ACSBG1: variants seen among roughly 807,000 people sequenced by gnomAD.
The protein encoded by ACSBG1 is acyl-CoA synthetase bubblegum family member 1.
A neutral mutation model predicts 80.2 loss-of-function variants in ACSBG1; 39 were observed. That is an observed-to-expected ratio of 0.49 (90% CI 0.38 to 0.64). ACSBG1 has a LOEUF of 0.64. Ranked by LOEUF, ACSBG1 falls within the 30% of genes least tolerant of loss-of-function variation. ACSBG1 has a pLI of 0.00. For synonymous variants in ACSBG1, 392 were observed against 379.5 expected (o/e 1.03, Z -0.38); for missense variants, 828 against 966.4 (o/e 0.86, Z 1.90).
At chr15:78,223,380 C>T (rs1020837456) in intron 1 of ACSBG1, among the ~76,000 whole-genome samples, 1 of 152,124 alleles carries the variant, frequency 6.6e-6, no homozygotes, top group East Asian at 1.9e-4. Context: ...ACCACCATGG[C>T]ACACATTTAC....
At chr15:78,174,565 C>T (rs1458523448) in intron 11 of ACSBG1, 41 bp from the exon 12 acceptor site, 6 of 1,589,292 alleles carry the variant, frequency 3.8e-6, no homozygotes, top group Non-Finnish European at 4.3e-6. Context: ...GAATGTAGTC[C>T]AGGTGCCCCA....
At chr15:78,212,930 C>A (rs2141373168) in intron 1 of ACSBG1, among the ~76,000 whole-genome samples, 1 of 152,294 alleles carries the variant, frequency 6.6e-6, no homozygotes, top group African/African-American at 2.4e-5. Context: ...CTCCATTCCC[C>A]ACAGCCAACT....
At chr15:78,228,977 T>G (rs960469816) in intron 1 of ACSBG1, among the ~76,000 whole-genome samples, 1 of 152,208 alleles carries the variant, frequency 6.6e-6, no homozygotes, top group African/African-American at 2.4e-5. Context: ...ACCGACATTT[T>G]AAAAAAATGT....
In ACSBG1 at chr15:78,179,589, G is replaced by A. The variant is rs746141852; in HGVS notation, c.1445C>T (p.Pro482Leu). Residue 482 changes from proline to leucine, a missense_variant, in exon 10 of 14, where the codon CCC becomes CTC. Transcript: ENST00000258873. Reference protein sequence around the residue: ...AGYGLSETSGPHFMSSPYNYR... With the variant: ...AGYGLSETSGLHFMSSPYNYR... ...GTTGTAGGGACTGGACATGAAGTGG[G>A]GGCCTGAGGTCTCACTGAGGCCGTA... 1 of 1,614,096 alleles carries A rather than the reference G, an allele frequency of 6.2e-7. No individual in the cohort carries two copies. The highest frequency in any genetic ancestry group is 1.3e-5 in the African/African-American group (1 of 75,028).
At chr15:78,232,595 C>G (rs2075455348) in intron 1 of ACSBG1, among the ~76,000 whole-genome samples, 1 of 152,202 alleles carries the variant, frequency 6.6e-6, no homozygotes, top group Non-Finnish European at 1.5e-5. Context: ...TGAGATCCTG[C>G]AGACCTTGAT....
At position 78,179,567 on chromosome 15, in the gene ACSBG1, G is replaced by A. The variant is rs1290921075; in HGVS notation, c.1467C>T (p.Tyr489=). 1.2e-6 allele frequency: 2 copies of A among 1,613,584 alleles called. No homozygotes were observed. The highest frequency in any genetic ancestry group is 1.1e-5 in the South Asian group (1 of 91,076). ...AGCCTCACCTGTACAGCCGGTAGTT[G>A]TAGGGACTGGACATGAAGTGGGGGC... The part of the protein sequence containing the change: ...TSGPHFMSSP[Y]NYRLYSSGKL... Residue 489 remains tyrosine, a synonymous_variant, in exon 10 of 14, where the codon TAC becomes TAT. Coordinates refer to ENST00000258873, the MANE Select transcript of ACSBG1 (RefSeq NM_015162.5).
At chr15:78,174,001 T>C (rs1256966930) in intron 12 of ACSBG1, among the ~76,000 whole-genome samples, 162 bp from the exon 13 acceptor site, 1 of 152,044 alleles carries the variant, frequency 6.6e-6, no homozygotes, top group East Asian at 1.9e-4. Context: ...TTGAGCCTCG[T>C]GTTATTGTGG....
intron 2 of ACSBG1, among the ~76,000 whole-genome samples, chr15:78,202,056 G>A (rs563169259): frequency 4.6e-4 from 70 of 152,334 alleles, no homozygotes; most frequent in African/African-American, 1.5e-3. Context: ...ACAGCATAGT[G>A]AGTGGAGTGC....
intron 6 of ACSBG1, 36 bp downstream of exon 6, chr15:78,182,669 G>C: frequency 6.2e-7 from 1 of 1,613,984 alleles, no homozygotes; most frequent in Non-Finnish European, 8.5e-7. Flanking sequence ...GGGCCCAATA[G>C]GCCCCACCTG....
rs1193457309 is a variant in ACSBG1 at position 78,232,473 on chromosome 15, T to C, written c.131+1898A>G. Among the ~76,000 whole-genome samples the C allele has an allele frequency of 2.0e-5, 3 of 152,304 alleles. No individual in the cohort carries two copies. In the East Asian group the frequency reaches 5.8e-4, roughly 29 times the overall value. On this transcript the variant is annotated intron_variant, in intron 1 of 13. Transcript: ENST00000258873. ...AAAACAAGCCCAGTCCTCTGTGAGCTTTGCAGGGCACACAGGACCCTCTGC... is the reference window on the plus strand; with the variant it reads ...AAAACAAGCCCAGTCCTCTGTGAGCCTTGCAGGGCACACAGGACCCTCTGC...
At chr15:78,194,049 C>G in intron 3 of ACSBG1, 29 bp from the exon 4 acceptor site, 1 of 1,611,610 alleles carries the variant, frequency 6.2e-7, no homozygotes, top group Non-Finnish European at 8.5e-7. Context: ...CAGGCCAGGT[C>G]AGCCGGGCAG....
At position 78,182,522 on chromosome 15, in the gene ACSBG1, C is replaced by G; in HGVS notation, c.838G>C (p.Val280Leu). Residue 280 changes from valine (V) to leucine (L), a missense_variant, in exon 7 of 14, where the codon GTC becomes CTC. Val to Leu is a conservative substitution (Grantham distance 32, BLOSUM62 1). This residue lies in a region of ACSBG1 where 271 missense variants were observed against 375.9 expected (regional missense o/e 0.72). Coordinates refer to ENST00000258873, the MANE Select transcript of ACSBG1 (RefSeq NM_015162.5). ...TTCCCAGTGGTGCCGGAAGTGTAGA[C>G]TAGCACACAGCACTGGTTGGGCTGC... ...TQQPNQCCVL[V>L]YTSGTTGNPK... 1 of 1,614,126 alleles carries G rather than the reference C, an allele frequency of 6.2e-7. No homozygotes were observed. The highest frequency in any genetic ancestry group is 8.5e-7 in the Non-Finnish European group (1 of 1,180,006).
At chr15:78,232,398 A>T (rs1451120049) in intron 1 of ACSBG1, among the ~76,000 whole-genome samples, 1 of 152,194 alleles carries the variant, frequency 6.6e-6, no homozygotes, top group African/African-American at 2.4e-5. Context: ...TCTCTGCACA[A>T]GCCTAGGGTT....
chr15:78,221,104 G>GAA (rs1454257975), intron 1 of ACSBG1, among the ~76,000 whole-genome samples: 1 of 152,218 alleles, frequency 6.6e-6, no homozygotes, highest in African/African-American at 2.4e-5. Context: ...GAGGAGGGAC[G>GAA]AGAGACTGAG....
chr15:78,212,284 G>A (rs771747036), intron 1 of ACSBG1, among the ~76,000 whole-genome samples: 21 of 152,076 alleles, frequency 1.4e-4, no homozygotes, highest in Non-Finnish European at 2.5e-4. Flanking sequence ...TTTTCTGCCC[G>A]TATCCTGTGG....
At chr15:78,171,576 C>A (rs1312093022) in intron 13 of ACSBG1, 47 bp from the exon 14 acceptor site, 1 of 1,501,288 alleles carries the variant, frequency 6.7e-7, no homozygotes, top group Admixed American at 1.7e-5. Flanking sequence ...GCTCTGAGAA[C>A]TCTGAGAATG....
chr15:78,193,923 G>A lies in ACSBG1; in HGVS notation c.542+9C>T, dbSNP rs372368582. On this transcript the variant is annotated intron_variant, in intron 4 of 13. Transcript: ENST00000258873. ...CCCTGGAGACCCCGTCCCTGCCCCC[G>A]CCACTCACCCTGCAAATACTGTGCC... 127 of 1,611,928 alleles carry A rather than the reference G, an allele frequency of 7.9e-5. No homozygotes were observed. The African/African-American group carries it at 8.3e-4, about 11-fold the overall frequency.
chr15:78,233,385 A>G (rs1462433198), intron 1 of ACSBG1, among the ~76,000 whole-genome samples: 1 of 152,148 alleles, frequency 6.6e-6, no homozygotes, highest in Non-Finnish European at 1.5e-5. Flanking sequence ...ACCTTCCATC[A>G]GGACAGGGGC....
rs770310564 is a variant in ACSBG1, at chr15:78,182,454, C to T, written c.894+12G>A. 3 of 1,613,580 alleles carry T rather than the reference C, an allele frequency of 1.9e-6. No homozygotes were observed. The highest frequency in any genetic ancestry group is 2.5e-6 in the Non-Finnish European group (3 of 1,179,836). ...CTTGCACCCCCCCCACCCCACCGGGCATCTGTCCTACATTGTCTTGACTCA... is the reference window on the plus strand; with the variant it reads ...CTTGCACCCCCCCCACCCCACCGGGTATCTGTCCTACATTGTCTTGACTCA... On this transcript the variant is annotated intron_variant, in intron 7 of 13. Coordinates refer to ENST00000258873, the MANE Select transcript of ACSBG1 (RefSeq NM_015162.5).
Sources: gnomAD v4.1 joint callset for allele counts (sites outside exome capture counted in the v4.1 genomes callset) on GRCh38, gnomAD v4.1.1 for gene constraint, gnomAD v4.1.1 regional missense constraint, MANE v1.5 for transcripts, NCBI Gene and HGNC (gene_info 2026-07-23, HGNC 2026-07-21) for gene names.